The following MAML2 variants were observed in gnomAD, a reference collection of about 807,000 sequenced individuals.
The protein encoded by MAML2 is mastermind-like protein 2.
Under a neutral mutation model 96.1 loss-of-function variants are expected in MAML2, and 22 were observed. The observed-to-expected ratio is 0.23, with a 90% CI of 0.16 to 0.33. The LOEUF (loss-of-function observed/expected upper bound fraction) is 0.33, where lower values mean the gene tolerates loss of function less well. Ranked by LOEUF, MAML2 falls within the 10% of genes least tolerant of loss-of-function variation. The pLI, the probability that MAML2 is intolerant of heterozygous loss-of-function variation, is 1.00. For missense variants in MAML2, 1,367 were observed against 1,392.4 expected, an observed-to-expected ratio of 0.98 and a Z score of 0.29; for synonymous variants, 561 against 521.3, an observed-to-expected ratio of 1.08 and a Z score of -1.04.
chr11:96,198,212 C>A (rs1861759267), intron 1 of MAML2, among the ~76,000 whole-genome samples: 1 of 152,154 alleles, frequency 6.6e-6, no homozygotes, highest in Non-Finnish European at 1.5e-5. Flanking sequence ...CTGCTTCAAT[C>A]CCTTTGATGA....
intron 1 of MAML2, among the ~76,000 whole-genome samples, chr11:96,242,731 GA>G (rs901669201): frequency 4.6e-5 from 7 of 152,128 alleles, no homozygotes; most frequent in Non-Finnish European, 1.0e-4. Context: ...CTCAAGCACT[GA>G]AAAAGCAGGA....
chr11:96,036,666 C>T (rs966129765), intron 2 of MAML2, among the ~76,000 whole-genome samples: 1 of 152,042 alleles, frequency 6.6e-6, no homozygotes, highest in Non-Finnish European at 1.5e-5. Flanking sequence ...ATGTTGAATC[C>T]TTATCTATTT....
intron 2 of MAML2, among the ~76,000 whole-genome samples, chr11:96,069,314 TCTC>T (rs1202869067): frequency 6.6e-6 from 1 of 152,174 alleles, no homozygotes; most frequent in Non-Finnish European, 1.5e-5. Context: ...TTTCTTTTCT[TCTC>T]CTTTTTCTTC....
In MAML2 at chr11:96,149,416, CAA is replaced by C. The variant is rs1491559824; in HGVS notation, c.514-55901_514-55900del. The stretch of plus-strand genomic sequence containing the variant: ...TGGGTGACAGAGTGAGACTCCGTCA[CAA>C]AAAAAAAAAAAAAATGAGAAGTTAA... On this transcript the variant is annotated intron_variant, in intron 1 of 4. Coordinates refer to ENST00000524717, the MANE Select transcript of MAML2 (RefSeq NM_032427.4). 5.2e-3 allele frequency among the ~76,000 whole-genome samples: 34 copies of C among 6,600 alleles called. 2 individuals carry two copies. Among genetic ancestry groups the C allele is most frequent in the African/African-American group, 0.017 (28 of 1,638 alleles). 4.3% of individuals were successfully genotyped at this position (6,600 alleles called of 152,430 possible).
intron 1 of MAML2, among the ~76,000 whole-genome samples, chr11:96,112,020 T>G (rs1466127007): frequency 6.6e-6 from 1 of 151,872 alleles, no homozygotes; most frequent in African/African-American, 2.4e-5. Context: ...TACTTACAAA[T>G]GCTGCTCGTT....
Position 96,155,509 on chromosome 11 carries a change from A to AATACATATATAT in MAML2, c.514-61993_514-61992insATATATATGTAT, listed in dbSNP as rs541216405. ...ACCTCATGGGCGCTGTAACAATTCAAATATATATATATATATATATATATA... is the reference window on the plus strand; with the variant it reads ...ACCTCATGGGCGCTGTAACAATTCAAATACATATATATATATATATATATATATATATATATA... On this transcript the variant is annotated intron_variant, in intron 1 of 4. Coordinates refer to ENST00000524717, the MANE Select transcript of MAML2 (RefSeq NM_032427.4). Among the ~76,000 whole-genome samples, 728 of 74,820 alleles carry AATACATATATAT rather than the reference A, an allele frequency of 9.7e-3. 70 individuals are homozygous for AATACATATATAT. The highest frequency in any genetic ancestry group is 0.013 in the Non-Finnish European group (534 of 40,002). The allele number at this position is 74,820 out of a possible 152,430, so 49.1% of individuals were successfully genotyped here.
At chr11:96,028,260 G>A (rs1488651670) in intron 2 of MAML2, among the ~76,000 whole-genome samples, 2 of 152,158 alleles carry the variant, frequency 1.3e-5, no homozygotes, top group Admixed American at 1.3e-4. Context: ...ATGTGCCACA[G>A]CACCATTGCA....
chr11:96,253,895 A>G (rs181661965), intron 1 of MAML2, among the ~76,000 whole-genome samples: 64 of 152,324 alleles, frequency 4.2e-4, no homozygotes, highest in African/African-American at 1.5e-3. Context: ...GATTTTCTCC[A>G]TGAAAACCAA....
At chr11:96,203,917 C>G (rs16923255) in intron 1 of MAML2, among the ~76,000 whole-genome samples, 2,030 of 152,296 alleles carry the variant, frequency 0.013, 51 homozygotes, top group African/African-American at 0.047. Flanking sequence ...AGTGAGTGCT[C>G]TCACAGGAAA....
chr11:96,077,526 C>CAT (rs919861126), intron 2 of MAML2, among the ~76,000 whole-genome samples: 1 of 152,172 alleles, frequency 6.6e-6, no homozygotes, highest in Non-Finnish European at 1.5e-5. Context: ...TGGCCTACCC[C>CAT]ATCTTTTTTA....
intron 1 of MAML2, among the ~76,000 whole-genome samples, chr11:96,304,530 C>A (rs1174806776): frequency 2.6e-5 from 4 of 152,284 alleles, no homozygotes; most frequent in African/African-American, 9.6e-5. Flanking sequence ...GAGAGATGGT[C>A]CCCCGATCCA....
At chr11:96,252,436 T>G (rs1272081901) in intron 1 of MAML2, among the ~76,000 whole-genome samples, 1 of 150,434 alleles carries the variant, frequency 6.6e-6, no homozygotes, top group Admixed American at 6.6e-5. Context: ...TTTTTTTTTT[T>G]TTTTTTTTGA....
intron 1 of MAML2, among the ~76,000 whole-genome samples, chr11:96,111,577 G>A (rs1395589364): frequency 6.6e-6 from 1 of 152,194 alleles, no homozygotes; most frequent in African/African-American, 2.4e-5. Flanking sequence ...GCTCTGAAAA[G>A]GAAATGGCAC....
At chr11:96,332,804 A>C (rs544677484) in intron 1 of MAML2, among the ~76,000 whole-genome samples, 1 of 152,316 alleles carries the variant, frequency 6.6e-6, no homozygotes, top group Non-Finnish European at 1.5e-5. Flanking sequence ...GAATGTTTTT[A>C]TTTTTACATA....
At chr11:96,050,997 T>C (rs1304904026) in intron 2 of MAML2, among the ~76,000 whole-genome samples, 1 of 152,220 alleles carries the variant, frequency 6.6e-6, no homozygotes, top group Non-Finnish European at 1.5e-5. Flanking sequence ...CTTAGGAGTC[T>C]AAATGTCTAG....
intron 2 of MAML2, among the ~76,000 whole-genome samples, chr11:96,082,226 T>C (rs1859538665): frequency 6.6e-6 from 1 of 152,172 alleles, no homozygotes; most frequent in Non-Finnish European, 1.5e-5. Context: ...GCAAAATGCT[T>C]TGTGAGTTCA....
chr11:96,112,021 G>A (rs1860132706), intron 1 of MAML2, among the ~76,000 whole-genome samples: 1 of 151,920 alleles, frequency 6.6e-6, no homozygotes, highest in African/African-American at 2.4e-5. Context: ...ACTTACAAAT[G>A]CTGCTCGTTA....
At chr11:96,143,018 G>GA (rs1264896786) in intron 1 of MAML2, among the ~76,000 whole-genome samples, 2 of 152,114 alleles carry the variant, frequency 1.3e-5, no homozygotes, top group Non-Finnish European at 2.9e-5. Flanking sequence ...AGCTAAATGG[G>GA]AAAAAATAGC....
At chr11:96,266,446 C>T (rs965997023) in intron 1 of MAML2, among the ~76,000 whole-genome samples, 16 of 151,996 alleles carry the variant, frequency 1.1e-4, no homozygotes, top group Non-Finnish European at 1.9e-4. Context: ...TGGTGGGCAC[C>T]TGTAGTCCCA....
Sources: gnomAD v4.1 joint callset for allele counts (sites outside exome capture counted in the v4.1 genomes callset) on GRCh38, gnomAD v4.1.1 for gene constraint, MANE v1.5 for transcripts, NCBI Gene and HGNC (gene_info 2026-07-23, HGNC 2026-07-21) for gene names.